LARGE1: variants seen among roughly 807,000 people sequenced by gnomAD.
The protein encoded by LARGE1 is LARGE xylosyl- and glucuronyltransferase 1, also known as xylosyl- and glucuronyltransferase LARGE1.
Under a neutral mutation model 87.6 loss-of-function variants are expected in LARGE1, and 43 were observed. The ratio of observed to expected loss-of-function variants is 0.49; its 90% CI spans 0.38 to 0.63. LARGE1 has a LOEUF of 0.63. Ranked by LOEUF, LARGE1 falls within the 30% of genes least tolerant of loss-of-function variation. The pLI is 0.00. For missense variants in LARGE1, 802 were observed against 1,000.2 expected (o/e 0.80, Z 2.67); for synonymous variants, 434 against 394.6 (o/e 1.10, Z -1.18).
intron 6 of LARGE1, among the ~76,000 whole-genome samples, chr22:33,542,162 CAAAA>C (rs150998193): frequency 3.2e-5 from 3 of 92,694 alleles, no homozygotes; most frequent in African/African-American, 4.1e-5. Context: ...AACTCTGTCT[CAAAA>C]AAAAAAAAAA....
At position 33,224,204 on chromosome 22, in the gene LARGE1, T is replaced by G. The variant is rs924830995; in HGVS notation, c.1731-57372A>C. Among the ~76,000 whole-genome samples, 7 of 151,772 alleles carry G rather than the reference T, an allele frequency of 4.6e-5. No individual in the cohort carries two copies. The East Asian group carries it at 1.4e-3, about 29-fold the overall frequency. On this transcript the variant is annotated intron_variant, in intron 11 of 11. Transcript: ENST00000608642. ...TGGTGTGAACCTGGGAGGCAGAGCT[T>G]GCAGTGAGCCGAGATCGCGCCACTG...
Position 33,358,359 on chromosome 22 carries a change from T to C in LARGE1, c.1132-20558A>G, listed in dbSNP as rs1223571593. Among the ~76,000 whole-genome samples the C allele has an allele frequency of 2.6e-5, 4 of 152,198 alleles. No individual in the cohort carries two copies. In the East Asian group the frequency reaches 5.8e-4, roughly 22 times the overall value. ...CCAAAATCAACCTTAACATTCATCATTCTTATTACCCTGTGTTTTCCCTGC... is the reference window on the plus strand; with the variant it reads ...CCAAAATCAACCTTAACATTCATCACTCTTATTACCCTGTGTTTTCCCTGC... On this transcript the variant is annotated intron_variant, in intron 9 of 14. Transcript: ENST00000397394.
rs376692050 is a variant in LARGE1, at chr22:33,730,999, AT to A, written c.106+30371del. On this transcript the variant is annotated intron_variant, in intron 2 of 14. Transcript: ENST00000397394. ...CGTGAACCACTGCGCCCAGCCTGCAATTTTTTTTTTTTTTTTTTTTTGAGAC... is the reference window on the plus strand; with the variant it reads ...CGTGAACCACTGCGCCCAGCCTGCAATTTTTTTTTTTTTTTTTTTTGAGAC... Among the ~76,000 whole-genome samples the A allele has an allele frequency of 6.5e-3, 758 of 115,956 alleles. 3 individuals carry two copies. Among genetic ancestry groups the A allele is most frequent in the African/African-American group, 0.015 (503 of 33,176 alleles). The allele number at this position is 115,956 out of a possible 152,430, so 76.1% of individuals were successfully genotyped here.
At chr22:33,425,896 C>A (rs1325712122) in intron 7 of LARGE1, among the ~76,000 whole-genome samples, 3 of 152,080 alleles carry the variant, frequency 2.0e-5, no homozygotes, top group Non-Finnish European at 4.4e-5. Context: ...GCCACCATGA[C>A]CGGCTAATTT....
chr22:33,263,083 G>C (rs1047844738), intron 11 of LARGE1, among the ~76,000 whole-genome samples: 1 of 151,982 alleles, frequency 6.6e-6, no homozygotes, highest in Non-Finnish European at 1.5e-5. Flanking sequence ...TAGTCGAGAC[G>C]AGGTTTCACC....
At chr22:33,438,014 TTTCCAATA>T (rs1414467295) in intron 6 of LARGE1, among the ~76,000 whole-genome samples, 8 of 151,848 alleles carry the variant, frequency 5.3e-5, no homozygotes, top group Non-Finnish European at 1.2e-4. Context: ...CCCAAAAGCT[TTTCCAATA>T]AGGGTTCTGT....
intron 1 of LARGE1, among the ~76,000 whole-genome samples, chr22:33,786,793 G>A (rs148257969): frequency 1.1e-3 from 164 of 152,260 alleles, no homozygotes; most frequent in African/African-American, 3.8e-3. Context: ...AGGCCAAGGT[G>A]GGCGGATCAC....
intron 2 of LARGE1, among the ~76,000 whole-genome samples, chr22:33,745,981 A>AG (rs1223599522): frequency 6.6e-6 from 1 of 152,228 alleles, no homozygotes; most frequent in Admixed American, 6.5e-5. Context: ...AAGAAACCTT[A>AG]GAGAGATCAC....
chr22:33,817,843 G>A (rs533890482), intron 1 of LARGE1, among the ~76,000 whole-genome samples: 3 of 152,096 alleles, frequency 2.0e-5, no homozygotes, highest in Non-Finnish European at 4.4e-5. Context: ...TTATCAAGGG[G>A]GTCAGCGGTA....
At chr22:33,315,565 GC>G (rs2146297791) in intron 11 of LARGE1, among the ~76,000 whole-genome samples, 1 of 152,246 alleles carries the variant, frequency 6.6e-6, no homozygotes, top group East Asian at 1.9e-4. Flanking sequence ...TAAGGTAAGA[GC>G]CCTTGGTTTT....
At chr22:33,067,140 C>T in the LARGE1 span, among the ~76,000 whole-genome samples, 1 of 152,132 alleles carries the variant, frequency 6.6e-6, no homozygotes, top group African/African-American at 2.4e-5. Flanking sequence ...CAGAGCTTAA[C>T]TTCCAGAAGC....
intron 2 of LARGE1, among the ~76,000 whole-genome samples, chr22:33,679,492 G>A (rs908216712): frequency 2.7e-5 from 4 of 149,620 alleles, no homozygotes; most frequent in Non-Finnish European, 1.5e-5. Flanking sequence ...ACACACACAC[G>A]AAGAATGCCT....
intron 7 of LARGE1, among the ~76,000 whole-genome samples, chr22:33,400,393 G>T (rs1028894061): frequency 1.6e-4 from 24 of 152,210 alleles, no homozygotes; most frequent in African/African-American, 5.5e-4. Flanking sequence ...AGAGCCATCT[G>T]GGGGAGGGAT....
At chr22:33,310,698 G>A (rs1333591251) in intron 11 of LARGE1, among the ~76,000 whole-genome samples, 1 of 152,194 alleles carries the variant, frequency 6.6e-6, no homozygotes, top group East Asian at 1.9e-4. Context: ...ATAATCGGAT[G>A]TGTTGACAGA....
At chr22:33,842,999 T>C (rs1464185460) in intron 1 of LARGE1, among the ~76,000 whole-genome samples, 1 of 152,148 alleles carries the variant, frequency 6.6e-6, no homozygotes, top group East Asian at 1.9e-4. Flanking sequence ...GCATCTGTTT[T>C]GTTCCTCTGG....
the LARGE1 span, among the ~76,000 whole-genome samples, chr22:33,103,042 C>T: frequency 6.2e-4 from 95 of 152,230 alleles, no homozygotes; most frequent in African/African-American, 1.9e-3. Flanking sequence ...CCCCCCGCCC[C>T]GCCGGTGTAG....
chr22:33,284,428 T>A (rs924009247), intron 12 of LARGE1, among the ~76,000 whole-genome samples: 1 of 152,164 alleles, frequency 6.6e-6, no homozygotes, highest in African/African-American at 2.4e-5. Flanking sequence ...AAGTCTTGCC[T>A]TAGTGCCTGG....
intron 1 of LARGE1, among the ~76,000 whole-genome samples, chr22:33,882,897 C>T (rs1318823353): frequency 6.6e-6 from 1 of 152,154 alleles, no homozygotes; most frequent in African/African-American, 2.4e-5. Flanking sequence ...ACTCCATAAT[C>T]CAATTTTCCT....
intron 1 of LARGE1, among the ~76,000 whole-genome samples, chr22:33,878,208 G>C (rs552271556): frequency 7.4e-6 from 1 of 135,746 alleles, no homozygotes; most frequent in South Asian, 2.3e-4. Flanking sequence ...TGTGATCTCG[G>C]CTCACTTCAA....
Sources: gnomAD v4.1 joint callset for allele counts (sites outside exome capture counted in the v4.1 genomes callset) on GRCh38, gnomAD v4.1.1 for gene constraint, MANE v1.5 for transcripts, NCBI Gene and HGNC (gene_info 2026-07-23, HGNC 2026-07-21) for gene names.